TTLL5: variants seen among roughly 807,000 people sequenced by gnomAD.
The protein encoded by TTLL5 is tubulin polyglutamylase TTLL5.
Under a neutral mutation model 168.4 loss-of-function variants are expected in TTLL5, and 132 were observed. The observed-to-expected ratio is 0.78, with a 90% CI of 0.68 to 0.91. The LOEUF (loss-of-function observed/expected upper bound fraction) is 0.91. Ranked by LOEUF, TTLL5 falls within the 40% of genes least tolerant of loss-of-function variation. The pLI is 0.00. For missense variants in TTLL5, 1,545 were observed against 1,581.5 expected (o/e 0.98, Z 0.39); for synonymous variants, 546 against 558.6 (o/e 0.98, Z 0.32).
intron 26 of TTLL5, among the ~76,000 whole-genome samples, chr14:75,785,063 A>G (rs1390225149): frequency 2.0e-5 from 3 of 151,864 alleles, no homozygotes; most frequent in Non-Finnish European, 1.5e-5. Flanking sequence ...GAAGCACAAA[A>G]GTTTTAGATT....
chr14:75,866,572 C>A (rs1199344724), intron 29 of TTLL5, among the ~76,000 whole-genome samples: 1 of 152,176 alleles, frequency 6.6e-6, no homozygotes, highest in Non-Finnish European at 1.5e-5. Context: ...ACATAGTAAT[C>A]TCCTAATAAT....
chr14:75,734,058 G>A lies in TTLL5; in HGVS notation c.1186+8G>A, dbSNP rs1888730268. The A allele has an allele frequency of 6.2e-7, 1 of 1,613,444 alleles. No individual in the cohort carries two copies. Among genetic ancestry groups the A allele is most frequent in the African/African-American group, 1.3e-5 (1 of 74,906 alleles). ...ATATGTTCACTGTTGTAGGTGAGTA[G>A]TAGTATTTTCTGAACTGGACTCACA... On this transcript the variant is annotated splice_region_variant and intron_variant, in intron 14 of 31. Coordinates refer to ENST00000298832, the MANE Select transcript of TTLL5 (RefSeq NM_015072.5).
At chr14:75,667,935 A>G (rs1883414386) in intron 2 of TTLL5, among the ~76,000 whole-genome samples, 1 of 151,350 alleles carries the variant, frequency 6.6e-6, no homozygotes, top group African/African-American at 2.4e-5. Context: ...TAATTTTTGT[A>G]TTTTTAGTAG....
chr14:75,852,160 C>T (rs751650070), intron 28 of TTLL5, among the ~76,000 whole-genome samples: 9 of 152,154 alleles, frequency 5.9e-5, no homozygotes, highest in Non-Finnish European at 1.3e-4. Context: ...GGCTTGCGCT[C>T]GATCTCAGCC....
At chr14:75,699,112 A>G (rs1007955874) in intron 6 of TTLL5, 76 bp from the exon 7 acceptor site, 1 of 1,340,332 alleles carries the variant, frequency 7.5e-7, no homozygotes, top group African/African-American at 1.4e-5. Context: ...ACCCTTTTTG[A>G]AAGTTGATAT....
chr14:75,681,615 T>C lies in TTLL5; in HGVS notation c.252T>C (p.His84=), dbSNP rs1884616039. 6.2e-7 allele frequency: 1 copy of C among 1,613,096 alleles called. No individual in the cohort carries two copies. The highest frequency in any genetic ancestry group is 1.3e-5 in the African/African-American group (1 of 74,884). The stretch of plus-strand genomic sequence containing the variant: ...TAGTACGCAGCATTCTGACAGCCCA[T>C]GGATTTCATGAAGTAAGTTTATTTT... ...SRLVRSILTA[H]GFHEVHPSST... Residue 84 remains histidine (H), a synonymous_variant, in exon 4 of 32, where the codon CAT becomes CAC. Transcript: ENST00000298832.
intron 7 of TTLL5, among the ~76,000 whole-genome samples, chr14:75,700,425 C>G (rs916136856): frequency 1.3e-5 from 2 of 152,200 alleles, no homozygotes; most frequent in African/African-American, 4.8e-5. Context: ...TGACCTTCCT[C>G]TAGGAACACT....
At chr14:75,788,970 C>T (rs1330013433) in intron 26 of TTLL5, among the ~76,000 whole-genome samples, 1 of 152,038 alleles carries the variant, frequency 6.6e-6, no homozygotes, top group Non-Finnish European at 1.5e-5. Flanking sequence ...TATCATTTGC[C>T]ATGTAAATAT....
At chr14:75,695,501 C>T (rs891211937) in intron 6 of TTLL5, among the ~76,000 whole-genome samples, 1 of 152,162 alleles carries the variant, frequency 6.6e-6, no homozygotes, top group African/African-American at 2.4e-5. Context: ...ACACCCTATT[C>T]GTACACTCCC....
intron 30 of TTLL5, among the ~76,000 whole-genome samples, chr14:75,891,804 T>C (rs1465402175): frequency 6.6e-6 from 1 of 152,242 alleles, no homozygotes; most frequent in Non-Finnish European, 1.5e-5. Context: ...ATTCGGATTC[T>C]GGTTCCTTGG....
chr14:75,802,417 G>A (rs1451006004), intron 27 of TTLL5, among the ~76,000 whole-genome samples: 3 of 152,114 alleles, frequency 2.0e-5, no homozygotes, highest in African/African-American at 7.2e-5. Context: ...TACTAAGCAA[G>A]CAAAGTTGAA....
At chr14:75,680,846 C>T (rs1022767759) in intron 3 of TTLL5, among the ~76,000 whole-genome samples, 41 of 151,864 alleles carry the variant, frequency 2.7e-4, no homozygotes, top group African/African-American at 8.2e-4. Flanking sequence ...AGGCTGGTCT[C>T]GAATTCCTGA....
intron 9 of TTLL5, chr14:75,712,242 C>A (rs1887133851): frequency 6.6e-6 from 1 of 151,996 alleles, no homozygotes; most frequent in Admixed American, 6.6e-5. Context: ...CCAGTGGCTC[C>A]TGGCAAGGCT....
intron 30 of TTLL5, among the ~76,000 whole-genome samples, chr14:75,899,471 AAGT>A (rs2032824675): frequency 6.6e-6 from 1 of 152,338 alleles, no homozygotes; most frequent in Admixed American, 6.5e-5. Context: ...AATGTGCCTA[AAGT>A]AGTAATAACA....
intron 29 of TTLL5, among the ~76,000 whole-genome samples, chr14:75,864,309 A>G (rs1443610867): frequency 1.3e-5 from 2 of 152,204 alleles, no homozygotes; most frequent in Admixed American, 6.5e-5. Flanking sequence ...TCAAGGAATA[A>G]ATAAGTTGCA....
intron 17 of TTLL5, among the ~76,000 whole-genome samples, chr14:75,751,845 T>A (rs1044597157): frequency 3.3e-5 from 5 of 152,154 alleles, no homozygotes; most frequent in Non-Finnish European, 7.4e-5. Context: ...GCAAGTTTAT[T>A]AACAAAGTAA....
intron 28 of TTLL5, among the ~76,000 whole-genome samples, chr14:75,840,387 C>T (rs1896156452): frequency 6.6e-6 from 1 of 152,066 alleles, no homozygotes; most frequent in Admixed American, 6.5e-5. Flanking sequence ...TAATGCTCTC[C>T]CTCCCCTTGC....
At chr14:75,711,256 T>A (rs188052669) in intron 9 of TTLL5, 2 of 152,208 alleles carry the variant, frequency 1.3e-5, no homozygotes, top group Non-Finnish European at 2.9e-5. Context: ...ACAGTAGCCC[T>A]CAGAGGTCCC....
At chr14:75,810,881 C>G (rs1893954567) in intron 27 of TTLL5, among the ~76,000 whole-genome samples, 1 of 152,090 alleles carries the variant, frequency 6.6e-6, no homozygotes, top group South Asian at 2.1e-4. Context: ...CATTTAAGAT[C>G]AAGCAAAAAT....
Sources: allele counts gnomAD v4.1 joint callset (sites outside exome capture counted in the v4.1 genomes callset), GRCh38; gene constraint gnomAD v4.1.1; transcripts MANE v1.5; gene names NCBI Gene and HGNC (gene_info 2026-07-23, HGNC 2026-07-21).